NPHP4: variants seen among roughly 807,000 people sequenced by gnomAD.
NPHP4 encodes nephrocystin 4, also known as nephrocystin-4.
A neutral mutation model predicts 155.8 loss-of-function variants in NPHP4; 151 were observed. The ratio of observed to expected loss-of-function variants is 0.97; its 90% CI spans 0.85 to 1.11. NPHP4 has a LOEUF of 1.11. Ranked by LOEUF, NPHP4 falls within the 50% of genes least tolerant of loss-of-function variation. The pLI is 0.00. For missense variants in NPHP4, 1,956 were observed against 1,925.7 expected (o/e 1.02, Z -0.29); for synonymous variants, 845 against 816.8 (o/e 1.03, Z -0.59).
At chr1:5,896,205 G>T (rs900997210) in intron 16 of NPHP4, among the ~76,000 whole-genome samples, 3 of 152,258 alleles carry the variant, frequency 2.0e-5, no homozygotes, top group African/African-American at 7.2e-5. Context: ...AGCCCACAGG[G>T]ATGAGGGGAG....
At chr1:5,909,047 G>A (rs1354031911) in intron 12 of NPHP4, 105 bp downstream of exon 12, 11 of 970,606 alleles carry the variant, frequency 1.1e-5, no homozygotes, top group East Asian at 5.2e-5. Flanking sequence ...CCCCAGCCAC[G>A]CAGAAGCACG....
Position 5,863,239 on chromosome 1 carries a change from G to A in NPHP4, c.*26C>T, listed in dbSNP as rs533259623. ...CACAGACAGGCCCCAGCTGGGTGCC[G>A]CAGGAAGGACGTCACCCTCAAGCCC... On this transcript the variant is annotated 3_prime_UTR_variant, in exon 30 of 30. Coordinates refer to ENST00000378156, the MANE Select transcript of NPHP4 (RefSeq NM_015102.5). The A allele has an allele frequency of 1.6e-5, 26 of 1,613,432 alleles. No homozygotes were observed. Among genetic ancestry groups the A allele is most frequent in the Admixed American group, 1.5e-4 (9 of 60,002 alleles).
intron 18 of NPHP4, 95 bp from the exon 19 acceptor site, chr1:5,880,334 T>TAC: frequency 7.6e-7 from 1 of 1,321,058 alleles, no homozygotes; most frequent in Non-Finnish European, 1.1e-6. Context: ...GGCTTTCAAA[T>TAC]GGCCTATCTA....
At position 5,863,922 on chromosome 1, in the gene NPHP4, C is replaced by A. The variant is rs1314138472; in HGVS notation, c.4108G>T (p.Glu1370Ter). 6.2e-7 allele frequency: 1 copy of A among 1,613,964 alleles called. No homozygotes were observed. Among genetic ancestry groups the A allele is most frequent in the Admixed American group, 1.7e-5 (1 of 60,024 alleles). ...GAGTCCTCTCTGAACCGCAGCAGCTCCGGGTGGTCGCTGTGCAGGTGGAAT... is the reference window on the plus strand; with the variant it reads ...GAGTCCTCTCTGAACCGCAGCAGCTACGGGTGGTCGCTGTGCAGGTGGAAT... ...RTFHLHSDHP[E>*]LLRFREDSFQ... The change falls in exon 29 of 30, where the codon GAG (glutamate) becomes TAG (stop). Residue 1370 changes from glutamate (E) to a stop codon, truncating the protein, a stop_gained. Coordinates refer to ENST00000378156, the MANE Select transcript of NPHP4 (RefSeq NM_015102.5). LOFTEE classifies it high-confidence loss of function.
chr1:5,937,295 T>C (rs753663298), intron 9 of NPHP4, among the ~76,000 whole-genome samples: 44 of 152,136 alleles, frequency 2.9e-4, no homozygotes, highest in Non-Finnish European at 2.6e-4. Flanking sequence ...GCAGAGCAGA[T>C]TGTGGACCTG....
intron 4 of NPHP4, 26 bp from the exon 5 acceptor site, chr1:5,967,389 TC>T (rs1185369700): frequency 6.3e-7 from 1 of 1,585,184 alleles, no homozygotes; most frequent in East Asian, 2.3e-5. Flanking sequence ...CAGAGAACAG[TC>T]GTCAGCCACG....
intron 17 of NPHP4, among the ~76,000 whole-genome samples, chr1:5,888,989 C>T (rs529630779): frequency 2.0e-5 from 3 of 152,372 alleles, no homozygotes; most frequent in Non-Finnish European, 4.4e-5. Flanking sequence ...GACCCTGGGC[C>T]TCTGTTTTCT....
intron 11 of NPHP4, among the ~76,000 whole-genome samples, chr1:5,925,807 G>A (rs1012554497): frequency 6.6e-6 from 1 of 152,120 alleles, no homozygotes; most frequent in Non-Finnish European, 1.5e-5. Flanking sequence ...AGTAGAGACG[G>A]GGTTTCACCG....
intron 12 of NPHP4, among the ~76,000 whole-genome samples, chr1:5,907,682 T>G (rs1368836835): frequency 7.2e-6 from 1 of 138,478 alleles, no homozygotes; most frequent in Non-Finnish European, 1.5e-5. Context: ...GTGGATAGAG[T>G]GCCCGTGCCA....
At chr1:5,896,025 G>A (rs913894524) in intron 16 of NPHP4, among the ~76,000 whole-genome samples, 5 of 152,224 alleles carry the variant, frequency 3.3e-5, no homozygotes, top group Non-Finnish European at 1.5e-5. Flanking sequence ...ACTGAAAAAA[G>A]CAGGGAGCAG....
At position 5,931,172 on chromosome 1, in the gene NPHP4, G is replaced by A. The variant is rs1032805249; in HGVS notation, c.1302+1975C>T. On this transcript the variant is annotated intron_variant, in intron 10 of 29. Transcript: ENST00000378156. Reference sequence around the variant, plus strand: ...ATTTATTTAAAGTATACTTCTTATAGACAGTATATAGTTGGGCTTTGTCTT... The same window carrying A: ...ATTTATTTAAAGTATACTTCTTATAAACAGTATATAGTTGGGCTTTGTCTT... Among the ~76,000 whole-genome samples the A allele has an allele frequency of 6.6e-5, 10 of 152,096 alleles. No individual in the cohort carries two copies. The South Asian group carries it at 1.7e-3, about 25-fold the overall frequency.
At position 5,961,757 on chromosome 1, in the gene NPHP4, C is replaced by T. The variant is rs3747986; in HGVS notation, c.673+37G>A. On this transcript the variant is annotated intron_variant, in intron 6 of 29. Transcript: ENST00000378156. ...GTTTCACTGTGAACTAGGACAGACT[C>T]ACCTCACCAAGTGGAGAGAATCAAA... 75 of 1,591,520 alleles carry T rather than the reference C, an allele frequency of 4.7e-5. No individual in the cohort carries two copies. The East Asian group carries it at 1.7e-3, about 36-fold the overall frequency.
Position 5,948,254 on chromosome 1 carries a change from G to A in NPHP4, c.811-3C>T, listed in dbSNP as rs1352083894. The stretch of plus-strand genomic sequence containing the variant: ...CCACCGTCCAGTGGGCCACATCCCT[G>A]GAAGAGGCACAGAAGGAATGAGCCC... On this transcript the variant is annotated splice_region_variant and splice_polypyrimidine_tract_variant and intron_variant, in intron 7 of 29. Transcript: ENST00000378156. 8 of 1,554,596 alleles carry A rather than the reference G, an allele frequency of 5.1e-6. No homozygotes were observed. The highest frequency in any genetic ancestry group is 6.9e-6 in the Non-Finnish European group (8 of 1,153,090).
chr1:5,920,407 C>T (rs1645683646), intron 11 of NPHP4, among the ~76,000 whole-genome samples: 1 of 152,186 alleles, frequency 6.6e-6, no homozygotes, highest in Admixed American at 6.5e-5. Context: ...TCCAGAGGAG[C>T]TCCGTAGAGA....
chr1:5,943,931 A>G lies in NPHP4; in HGVS notation c.1119+3173T>C, dbSNP rs543465490. Among the ~76,000 whole-genome samples the G allele has an allele frequency of 2.6e-5, 4 of 152,258 alleles. No homozygotes were observed. In the South Asian group the frequency reaches 8.3e-4, roughly 32 times the overall value. Reference sequence around the variant, plus strand: ...GCCCAGGTGGAACGGGACGGGAGAAAGAGATGAGACATGAGCGATAAATTG... The same window carrying G: ...GCCCAGGTGGAACGGGACGGGAGAAGGAGATGAGACATGAGCGATAAATTG... On this transcript the variant is annotated intron_variant, in intron 9 of 29. Transcript: ENST00000378156.
chr1:5,950,976 C>T (rs760482817), intron 7 of NPHP4, among the ~76,000 whole-genome samples: 2 of 152,166 alleles, frequency 1.3e-5, no homozygotes, highest in African/African-American at 2.4e-5. Context: ...CAGCCTCCCA[C>T]GGGAGCATGG....
chr1:5,865,972 G>A lies in NPHP4; in HGVS notation c.3644+401C>T. Reference sequence around the variant, plus strand: ...AGGGGCCGGGTCATTTAGCCTGGAGGAGAGAGGGATGGGCATTTCCACCAC... The same window carrying A: ...AGGGGCCGGGTCATTTAGCCTGGAGAAGAGAGGGATGGGCATTTCCACCAC... On this transcript the variant is annotated intron_variant, in intron 26 of 29. Coordinates refer to ENST00000378156, the MANE Select transcript of NPHP4 (RefSeq NM_015102.5). 2 of 235,934 alleles carry A rather than the reference G, an allele frequency of 8.5e-6. 1 individual carries two copies. The highest frequency in any genetic ancestry group is 1.2e-4 in the South Asian group (2 of 16,514). The allele number at this position is 235,934 out of a possible 1,614,324, so 14.6% of individuals were successfully genotyped here. A position where few individuals can be genotyped will look rare whatever the true frequency, so the allele number is the denominator to read the frequency against.
In NPHP4 at chr1:5,865,117, A is replaced by T. The variant is rs1212384350; in HGVS notation, c.3801T>A (p.His1267Gln). Residue 1267 changes from histidine (H) to glutamine (Q), a missense_variant, in exon 27 of 30, where the codon CAT (histidine) becomes CAA (glutamine). Coordinates refer to ENST00000378156, the MANE Select transcript of NPHP4 (RefSeq NM_015102.5). Reference sequence around the variant, plus strand: ...GAGGCCGTACCTTCAGCTCCTGGGGATGAGAGGTGAAAGCTCTCACTTTCC... The same window carrying T: ...GAGGCCGTACCTTCAGCTCCTGGGGTTGAGAGGTGAAAGCTCTCACTTTCC... ...TVRKVRAFTSHPQELKTDPKG... is the reference protein window; with the variant it reads ...TVRKVRAFTSQPQELKTDPKG... 5.3e-5 allele frequency: 85 copies of T among 1,613,504 alleles called. No individual in the cohort carries two copies. Among genetic ancestry groups the T allele is most frequent in the Non-Finnish European group, 7.1e-5 (84 of 1,179,776 alleles).
Position 5,905,873 on chromosome 1 carries a change from T to C in NPHP4, c.1612-90A>G. The C allele has an allele frequency of 7.9e-7, 1 of 1,270,522 alleles. No individual in the cohort carries two copies. Among genetic ancestry groups the C allele is most frequent in the Non-Finnish European group, 1.1e-6 (1 of 917,578 alleles). The allele number at this position is 1,270,522 out of a possible 1,614,324, so 78.7% of individuals were successfully genotyped here. A position where few individuals can be genotyped will look rare whatever the true frequency, so the allele number is the denominator to read the frequency against. On this transcript the variant is annotated intron_variant, in intron 13 of 29. Transcript: ENST00000378156. The surrounding 1 kb of genome is among the most constrained non-coding windows in gnomAD (Gnocchi z 4.0). ...CTCAGATCTAAGGGGATTCATCGAT[T>C]AATTGCCTCTGGAGGGTTGCCAGCT...
Sources: allele counts gnomAD v4.1 joint callset (sites outside exome capture counted in the v4.1 genomes callset), GRCh38; gene constraint gnomAD v4.1.1; non-coding constraint Gnocchi (gnomAD v3.1); transcripts MANE v1.5; gene names NCBI Gene and HGNC (gene_info 2026-07-23, HGNC 2026-07-21).